Variants in CDH13 observed in about 807,000 individuals in gnomAD.
CDH13 encodes the protein cadherin 13.
Under a neutral mutation model 63.8 loss-of-function variants are expected in CDH13, and 24 were observed. That is an observed-to-expected ratio of 0.38 (90% CI 0.27 to 0.53). The LOEUF (loss-of-function observed/expected upper bound fraction) is 0.53. Among genes scored for constraint, CDH13 ranks in the 20% least tolerant of loss-of-function variants. CDH13 has a pLI of 0.85. For synonymous variants in CDH13, 503 were observed against 355.3 expected, an observed-to-expected ratio of 1.42 and a Z score of -4.67; for missense variants, 1,049 against 903.1, an observed-to-expected ratio of 1.16 and a Z score of -2.07.
chr16:83,752,628 G>C (rs1913177598), intron 11 of CDH13, among the ~76,000 whole-genome samples: 1 of 152,138 alleles, frequency 6.6e-6, no homozygotes, highest in South Asian at 2.1e-4. Flanking sequence ...TCATCTTTGA[G>C]ACTCATTGAG....
chr16:82,715,188 A>G (rs2032274614), intron 1 of CDH13, among the ~76,000 whole-genome samples: 1 of 151,642 alleles, frequency 6.6e-6, no homozygotes, highest in Admixed American at 6.6e-5. Flanking sequence ...ACATTAAGCC[A>G]GGATATGGCC....
chr16:83,433,427 A>G (rs1329443887), intron 6 of CDH13, among the ~76,000 whole-genome samples: 1 of 152,240 alleles, frequency 6.6e-6, no homozygotes, highest in Non-Finnish European at 1.5e-5. Flanking sequence ...AATGTGGGCT[A>G]TCATTCATTA....
chr16:83,276,861 C>T (rs916528870), intron 5 of CDH13, among the ~76,000 whole-genome samples: 1 of 152,072 alleles, frequency 6.6e-6, no homozygotes, highest in Non-Finnish European at 1.5e-5. Context: ...CAGAGTGAGA[C>T]TCCATCTCAA....
chr16:83,393,647 A>G (rs1015823020), intron 6 of CDH13, among the ~76,000 whole-genome samples: 3 of 152,216 alleles, frequency 2.0e-5, no homozygotes, highest in African/African-American at 4.8e-5. Flanking sequence ...AATCGAATCA[A>G]TCATTCATTC....
At chr16:83,122,120 T>A in intron 3 of CDH13, among the ~76,000 whole-genome samples, 1 of 152,208 alleles carries the variant, frequency 6.6e-6, no homozygotes, top group Non-Finnish European at 1.5e-5. Context: ...TTAATTAGTA[T>A]GTGGCATTAA....
intron 7 of CDH13, among the ~76,000 whole-genome samples, chr16:83,570,971 A>ATATATATATAT (rs57205262): frequency 2.6e-4 from 30 of 117,166 alleles, no homozygotes; most frequent in South Asian, 5.6e-4. Flanking sequence ...ATATATATAT[A>ATATATATATAT]AAAACCTTCT....
At position 83,194,341 on chromosome 16, in the gene CDH13, C is replaced by A. The variant is rs76568626; in HGVS notation, c.484-23004C>A. Reference sequence around the variant, plus strand: ...CTTGCTGTTAGCAGCGCAGATCCAGCGTAATTTTAAAAGCAAAATGACTGA... The same window carrying A: ...CTTGCTGTTAGCAGCGCAGATCCAGAGTAATTTTAAAAGCAAAATGACTGA... On this transcript the variant is annotated intron_variant, in intron 4 of 13. Coordinates refer to ENST00000567109, the MANE Select transcript of CDH13 (RefSeq NM_001257.5). 5.4e-3 allele frequency among the ~76,000 whole-genome samples: 824 copies of A among 152,180 alleles called. 3 individuals carry two copies. Among genetic ancestry groups the A allele is most frequent in the Non-Finnish European group, 8.1e-3 (554 of 68,016 alleles).
intron 2 of CDH13, among the ~76,000 whole-genome samples, chr16:82,894,540 G>C (rs1221108355): frequency 6.6e-6 from 1 of 152,164 alleles, no homozygotes; most frequent in African/African-American, 2.4e-5. Flanking sequence ...TACTTGGGAG[G>C]CTGAGGCAAG....
intron 4 of CDH13, among the ~76,000 whole-genome samples, chr16:83,175,795 A>G (rs2038095189): frequency 6.6e-6 from 1 of 150,722 alleles, no homozygotes; most frequent in Non-Finnish European, 1.5e-5. Flanking sequence ...ATAAGATCAT[A>G]ATATACATAC....
chr16:83,248,152 A>G (rs1017061960), intron 5 of CDH13, among the ~76,000 whole-genome samples: 3 of 152,048 alleles, frequency 2.0e-5, no homozygotes, highest in Non-Finnish European at 2.9e-5. Context: ...GCTTTCTTCC[A>G]CTCACAGCGC....
intron 5 of CDH13, among the ~76,000 whole-genome samples, chr16:83,309,801 C>G (rs1306450859): frequency 6.6e-6 from 1 of 151,670 alleles, no homozygotes; most frequent in African/African-American, 2.4e-5. Context: ...TGCTATAACT[C>G]CCATGGGATT....
intron 4 of CDH13, among the ~76,000 whole-genome samples, chr16:83,162,291 C>G (rs1318411401): frequency 6.6e-6 from 1 of 152,146 alleles, no homozygotes; most frequent in Non-Finnish European, 1.5e-5. Flanking sequence ...TTGTCGTCAT[C>G]ATTGTCACGA....
intron 1 of CDH13, among the ~76,000 whole-genome samples, chr16:82,736,990 T>C (rs747368485): frequency 1.8e-4 from 28 of 152,224 alleles, no homozygotes; most frequent in Non-Finnish European, 3.1e-4. Context: ...CTGCATTCCT[T>C]TTCCTCTTCC....
At chr16:83,389,113 A>G (rs1166878903) in intron 6 of CDH13, among the ~76,000 whole-genome samples, 2 of 152,232 alleles carry the variant, frequency 1.3e-5, no homozygotes, top group Non-Finnish European at 2.9e-5. Context: ...ACTTGGCTTG[A>G]AGACTTAGTT....
At chr16:82,713,032 T>C (rs1239601276) in intron 1 of CDH13, among the ~76,000 whole-genome samples, 2 of 136,914 alleles carry the variant, frequency 1.5e-5, no homozygotes, top group Non-Finnish European at 3.2e-5. Context: ...ATGGAGTGAA[T>C]AGAACCCCGG....
At chr16:83,764,454 A>G (rs377662457) in intron 11 of CDH13, among the ~76,000 whole-genome samples, 4 of 152,218 alleles carry the variant, frequency 2.6e-5, no homozygotes, top group African/African-American at 9.6e-5. Context: ...ACTGATTTTG[A>G]CATTAAAATA....
chr16:83,455,976 G>C (rs1012441818), intron 6 of CDH13, among the ~76,000 whole-genome samples: 1 of 152,250 alleles, frequency 6.6e-6, no homozygotes, highest in African/African-American at 2.4e-5. Flanking sequence ...AAAGACAGCA[G>C]GGCTGAGGGG....
At chr16:83,135,349 T>C (rs1457569574) in intron 4 of CDH13, among the ~76,000 whole-genome samples, 1 of 152,198 alleles carries the variant, frequency 6.6e-6, no homozygotes, top group Non-Finnish European at 1.5e-5. Context: ...GCTTAAAGCT[T>C]CCATGGGTCT....
At chr16:82,944,093 C>G (rs1436378350) in intron 2 of CDH13, among the ~76,000 whole-genome samples, 1 of 152,188 alleles carries the variant, frequency 6.6e-6, no homozygotes. Flanking sequence ...CAATTCATTA[C>G]TCAGCCATTA....
Sources: gnomAD v4.1 joint callset for allele counts (sites outside exome capture counted in the v4.1 genomes callset) on GRCh38, gnomAD v4.1.1 for gene constraint, MANE v1.5 for transcripts, NCBI Gene and HGNC (gene_info 2026-07-23, HGNC 2026-07-21) for gene names.